CHST15: variants seen among roughly 807,000 people sequenced by gnomAD.
CHST15 encodes the protein B cell RAG associated protein (GALNAC4S-6ST).
CHST15 carries 30 observed loss-of-function variants against 53.6 expected under a neutral mutation model. That is an observed-to-expected ratio of 0.56 (90% CI 0.42 to 0.76). The LOEUF (loss-of-function observed/expected upper bound fraction) is 0.76, where lower values mean the gene tolerates loss of function less well. Among genes scored for constraint, CHST15 ranks in the 30% least tolerant of loss-of-function variants. The pLI, the probability that CHST15 is intolerant of heterozygous loss-of-function variation, is 0.00. For synonymous variants in CHST15, 296 were observed against 289.8 expected, an observed-to-expected ratio of 1.02 and a Z score of -0.22; for missense variants, 627 against 740.5, an observed-to-expected ratio of 0.85 and a Z score of 1.78.
chr10:124,008,307 A>C lies in CHST15; in HGVS notation c.*1842T>G. ...AGGAGCCTCATTAGCAACTGAACAG[A>C]ACCCACTCAGAAGACGCACTCACCC... On this transcript the variant is annotated 3_prime_UTR_variant, in exon 8 of 8. Coordinates refer to ENST00000435907, the MANE Select transcript of CHST15 (RefSeq NM_001270764.2). 1 of 1,123,022 alleles carries C rather than the reference A, an allele frequency of 8.9e-7. No homozygotes were observed. The highest frequency in any genetic ancestry group is 1.1e-6 in the Non-Finnish European group (1 of 920,068). The allele number at this position is 1,123,022 out of a possible 1,614,324, so 69.6% of individuals were successfully genotyped here.
chr10:124,021,550 C>T, intron 5 of CHST15, 138 bp from the exon 6 acceptor site: 1 of 1,431,208 alleles, frequency 7.0e-7, no homozygotes, highest in South Asian at 1.5e-5. Flanking sequence ...CTTTCCCTTG[C>T]AGATGAGCCA....
chr10:124,085,323 A>C (rs565233350), intron 1 of CHST15, among the ~76,000 whole-genome samples: 2 of 152,308 alleles, frequency 1.3e-5, no homozygotes, highest in Non-Finnish European at 2.9e-5. Context: ...CTGAAACAAC[A>C]ACCAAATTTC....
At chr10:124,071,896 A>G (rs1007795181) in intron 1 of CHST15, among the ~76,000 whole-genome samples, 1 of 152,214 alleles carries the variant, frequency 6.6e-6, no homozygotes, top group Non-Finnish European at 1.5e-5. Context: ...TTCAAGCATG[A>G]CCCTGTGGAG....
At chr10:124,066,505 A>C (rs1207757509) in intron 1 of CHST15, among the ~76,000 whole-genome samples, 2 of 152,110 alleles carry the variant, frequency 1.3e-5, no homozygotes, top group African/African-American at 4.8e-5. Context: ...ATTTGCAATT[A>C]TCTTCTTTCT....
At chr10:124,058,164 AAGGCAG>A (rs1400235559) in intron 1 of CHST15, among the ~76,000 whole-genome samples, 3 of 152,140 alleles carry the variant, frequency 2.0e-5, no homozygotes. Context: ...GTTTTCCAAT[AAGGCAG>A]AGGCCACTCA....
chr10:124,076,302 T>A (rs1205970035), intron 1 of CHST15, among the ~76,000 whole-genome samples: 3 of 152,246 alleles, frequency 2.0e-5, no homozygotes, highest in Admixed American at 2.0e-4. Context: ...CATTAGAGAA[T>A]GTTGGTCCTT....
chr10:124,056,061 A>G (rs1948370803), intron 1 of CHST15, among the ~76,000 whole-genome samples: 1 of 152,108 alleles, frequency 6.6e-6, no homozygotes, highest in Non-Finnish European at 1.5e-5. Flanking sequence ...GTACTTCCCC[A>G]AGGACATGCA....
intron 1 of CHST15, among the ~76,000 whole-genome samples, chr10:124,056,687 C>T (rs115023311): frequency 0.028 from 4,215 of 152,354 alleles, 188 homozygotes; most frequent in African/African-American, 0.096. Flanking sequence ...GGCCCCGGTG[C>T]GCAGCCCCCA....
chr10:124,060,591 G>T (rs1261404154), intron 1 of CHST15, among the ~76,000 whole-genome samples: 3 of 151,010 alleles, frequency 2.0e-5, no homozygotes, highest in East Asian at 2.0e-4. Context: ...GTGCAAAGGT[G>T]TGCTTCCCCC....
At chr10:124,075,440 G>A (rs1024716231) in intron 1 of CHST15, among the ~76,000 whole-genome samples, 1 of 152,168 alleles carries the variant, frequency 6.6e-6, no homozygotes, top group African/African-American at 2.4e-5. Context: ...GTGACAATGA[G>A]AGGAGAGCAC....
chr10:124,062,326 C>T (rs1948601939), intron 1 of CHST15, among the ~76,000 whole-genome samples: 1 of 152,160 alleles, frequency 6.6e-6, no homozygotes, highest in East Asian at 1.9e-4. Context: ...TAGGAACGGG[C>T]ACATACCCTT....
In CHST15 at chr10:124,008,681, A is replaced by G; in HGVS notation, c.*1468T>C. The G allele has an allele frequency of 9.0e-7, 1 of 1,115,346 alleles. No homozygotes were observed. Among genetic ancestry groups the G allele is most frequent in the Middle Eastern group, 4.3e-4 (1 of 2,322 alleles). The allele number at this position is 1,115,346 out of a possible 1,614,324, so 69.1% of individuals were successfully genotyped here. On this transcript the variant is annotated 3_prime_UTR_variant, in exon 8 of 8. Coordinates refer to ENST00000435907, the MANE Select transcript of CHST15 (RefSeq NM_001270764.2). ...CTACCCCCGAAGCCTGGTCTGTCTCACACATACAAGTTAGAGCTGGGTAGA... is the reference window on the plus strand; with the variant it reads ...CTACCCCCGAAGCCTGGTCTGTCTCGCACATACAAGTTAGAGCTGGGTAGA...
intron 6 of CHST15, 110 bp downstream of exon 6, chr10:124,021,146 T>G: frequency 3.3e-6 from 5 of 1,538,432 alleles, no homozygotes; most frequent in Non-Finnish European, 4.4e-6. Context: ...AACGCTTCTC[T>G]CTGTTCCTAT....
intron 4 of CHST15, 110 bp downstream of exon 4, chr10:124,042,191 T>TC: frequency 5.3e-6 from 6 of 1,142,270 alleles, no homozygotes; most frequent in Admixed American, 2.3e-5. Context: ...AGAAGTTTGC[T>TC]GCCACCATGT....
At chr10:124,038,146 AC>A (rs1239316904) in intron 5 of CHST15, among the ~76,000 whole-genome samples, 3 of 149,908 alleles carry the variant, frequency 2.0e-5, no homozygotes, top group Admixed American at 6.7e-5. Context: ...TCACTCTGAC[AC>A]CCAGGCTGGA....
At chr10:124,014,466 G>T (rs183088142) in intron 6 of CHST15, among the ~76,000 whole-genome samples, 12 of 152,322 alleles carry the variant, frequency 7.9e-5, no homozygotes, top group Non-Finnish European at 1.8e-4. Flanking sequence ...CCACACTGTT[G>T]CTACCTCACA....
At chr10:124,012,551 G>A (rs1186083330) in intron 6 of CHST15, 71 bp from the exon 7 acceptor site, 2 of 1,503,776 alleles carry the variant, frequency 1.3e-6, no homozygotes, top group South Asian at 2.5e-5. Context: ...TTTCCAAAGT[G>A]GTATGGCATT....
chr10:124,059,848 CTGAAAACCCTTCATTGGAATTT>C (rs1269873316), intron 1 of CHST15, among the ~76,000 whole-genome samples: 1 of 152,102 alleles, frequency 6.6e-6, no homozygotes, highest in African/African-American at 2.4e-5. Context: ...GAAGAACGGC[CTGAAAACCCTTCATTGGAATTT>C]ATTTCTTTCT....
intron 7 of CHST15, chr10:124,011,571 G>A (rs7076421): frequency 0.28 from 274,751 of 985,264 alleles, 38,577 homozygotes; most frequent in East Asian, 0.41. Flanking sequence ...CGGCTTGTTC[G>A]AGCCTGCTCA....
Sources: allele counts gnomAD v4.1 joint callset (sites outside exome capture counted in the v4.1 genomes callset), GRCh38; gene constraint gnomAD v4.1.1; transcripts MANE v1.5; gene names NCBI Gene and HGNC (gene_info 2026-07-23, HGNC 2026-07-21).